The following PLCD4 variants were observed in gnomAD, a reference collection of about 807,000 sequenced individuals.
PLCD4 encodes the protein 1-phosphatidylinositol 4,5-bisphosphate phosphodiesterase delta-4.
In PLCD4, 63 loss-of-function variants were observed where a neutral mutation model predicts 90.2. The ratio of observed to expected loss-of-function variants is 0.70; its 90% CI spans 0.57 to 0.86. The LOEUF (loss-of-function observed/expected upper bound fraction) is 0.86, where lower values mean the gene tolerates loss of function less well. PLCD4 is among the 40% of genes least tolerant of loss of function. The pLI is 0.00. For missense variants in PLCD4, 830 were observed against 956.3 expected, an observed-to-expected ratio of 0.87 and a Z score of 1.74; for synonymous variants, 294 against 356.5, an observed-to-expected ratio of 0.82 and a Z score of 1.97.
Position 218,632,285 on chromosome 2 carries a change from G to T in PLCD4, c.1422G>T (p.Gln474His). 1 of 1,610,120 alleles carries T rather than the reference G, an allele frequency of 6.2e-7. No homozygotes were observed. The highest frequency in any genetic ancestry group is 8.5e-7 in the Non-Finnish European group (1 of 1,178,320). ...QFETEPEPQE[Q>H]NLQNKDKKKK... ...AGACTGAGCCTGAGCCCCAGGAGCA[G>T]AACCTTCAGAATAAGGACAAAAAGA... The change falls in exon 10 of 16, where the codon CAG becomes CAT. Residue 474 changes from glutamine (Q) to histidine (H), a missense_variant. By Grantham distance (24) the Gln-to-His change is conservative. Coordinates refer to ENST00000450993, the MANE Select transcript of PLCD4 (RefSeq NM_032726.4).
intron 3 of PLCD4, among the ~76,000 whole-genome samples, chr2:218,616,925 TATAGAGAG>T (rs1394301739): frequency 2.7e-4 from 6 of 22,242 alleles, no homozygotes; most frequent in East Asian, 1.4e-3. Flanking sequence ...TATATATATA[TATAGAGAG>T]AGAGAGAGAG....
intron 6 of PLCD4, among the ~76,000 whole-genome samples, chr2:218,627,759 G>A (rs766908883): frequency 6.6e-6 from 1 of 152,126 alleles, no homozygotes; most frequent in Non-Finnish European, 1.5e-5. Context: ...TGATCTGCCC[G>A]TCTCAGCCTC....
chr2:218,635,922 G>C lies in PLCD4; in HGVS notation c.2023G>C (p.Glu675Gln), dbSNP rs1318917046. 1 of 1,614,030 alleles carries C rather than the reference G, an allele frequency of 6.2e-7. No homozygotes were observed. Among genetic ancestry groups the C allele is most frequent in the Non-Finnish European group, 8.5e-7 (1 of 1,179,896 alleles). ...DTARQETNYV[E>Q]NNGFNPYWGQ... Reference sequence around the variant, plus strand: ...AGCACGGCAGGAGACCAACTATGTGGAGAACAATGGTGAGAAACTGGCAGT... The same window carrying C: ...AGCACGGCAGGAGACCAACTATGTGCAGAACAATGGTGAGAAACTGGCAGT... The change falls in exon 14 of 16, where the codon GAG becomes CAG. Residue 675 changes from glutamate to glutamine, a missense_variant. Glu to Gln is a conservative substitution (Grantham distance 29). Coordinates refer to ENST00000450993, the MANE Select transcript of PLCD4 (RefSeq NM_032726.4).
At chr2:218,621,885 C>T (rs1018259605) in intron 5 of PLCD4, among the ~76,000 whole-genome samples, 2 of 152,060 alleles carry the variant, frequency 1.3e-5, no homozygotes, top group Admixed American at 1.3e-4. Flanking sequence ...CGGGTCCATC[C>T]TGGTTAACAC....
At chr2:218,615,667 A>T in intron 1 of PLCD4, 40 bp from the exon 2 acceptor site, 1 of 1,499,342 alleles carries the variant, frequency 6.7e-7, no homozygotes, top group Non-Finnish European at 9.0e-7. Flanking sequence ...ACTATCTTCA[A>T]GATTCACCCA....
chr2:218,632,238 T>C lies in PLCD4; in HGVS notation c.1375T>C (p.Leu459=). 3 of 1,611,706 alleles carry C rather than the reference T, an allele frequency of 1.9e-6. No individual in the cohort carries two copies. Among genetic ancestry groups the C allele is most frequent in the Non-Finnish European group, 2.5e-6 (3 of 1,178,976 alleles). The change falls in exon 10 of 16, where the codon TTG becomes CTG. Residue 459 remains leucine, a synonymous_variant. Transcript: ENST00000450993. ...AGAACCTGAGTTGGAAGAGTCAGAA[T>C]TGGCGCTGGAGTCCCAGTTTGAGAC... is the stretch of plus-strand genomic sequence containing the variant. ...EAEPELEESE[L]ALESQFETEP...
At chr2:218,611,401 C>A (rs770195425) in intron 1 of PLCD4, among the ~76,000 whole-genome samples, 9 of 152,128 alleles carry the variant, frequency 5.9e-5, no homozygotes, top group Non-Finnish European at 8.8e-5. Context: ...TTCAGGACAT[C>A]ATTGTGAGGC....
intron 4 of PLCD4, among the ~76,000 whole-genome samples, chr2:218,620,998 C>A (rs746722896): frequency 6.6e-6 from 1 of 151,468 alleles, no homozygotes; most frequent in African/African-American, 2.4e-5. Context: ...GGTGCCATCT[C>A]GGCTCCATGC....
intron 6 of PLCD4, among the ~76,000 whole-genome samples, chr2:218,623,520 G>A (rs1695975926): frequency 6.6e-6 from 1 of 152,198 alleles, no homozygotes; most frequent in Non-Finnish European, 1.5e-5. Flanking sequence ...TCCCTTCGGA[G>A]TGTGAGAAAT....
At position 218,636,263 on chromosome 2, in the gene PLCD4, C is replaced by T; in HGVS notation, c.2053C>T (p.Gln685Ter). ...ENNGFNPYWG[Q>*]TLCFRVLVPE... is the part of the protein sequence containing the mutation. ...CTCAGGTTTTAATCCATACTGGGGG[C>T]AGACACTATGTTTCCGGGTGCTGGT... Residue 685 changes from glutamine (Q) to a stop codon, truncating the protein, a stop_gained, in exon 15 of 16, where the codon CAG (glutamine) becomes TAG (stop). Transcript: ENST00000450993. LOFTEE classifies it high-confidence loss of function. The T allele has an allele frequency of 6.2e-7, 1 of 1,614,016 alleles. No individual in the cohort carries two copies.
intron 6 of PLCD4, among the ~76,000 whole-genome samples, chr2:218,623,390 G>C (rs1695968476): frequency 6.6e-6 from 1 of 152,176 alleles, no homozygotes; most frequent in South Asian, 2.1e-4. Context: ...GTTAGCCCCT[G>C]GCTGGGGGAA....
At chr2:218,631,328 C>A (rs1198059411) in intron 9 of PLCD4, among the ~76,000 whole-genome samples, 1 of 152,090 alleles carries the variant, frequency 6.6e-6, no homozygotes, top group East Asian at 1.9e-4. Flanking sequence ...CCACACCTGG[C>A]TAGTTTTTGT....
Position 218,634,146 on chromosome 2 carries a change from G to A in PLCD4, c.1648G>A (p.Val550Met), listed in dbSNP as rs1472019247. ...VQHNTWQLSR[V>M]YPSGLRTDSS... is the part of the protein sequence containing the mutation. ...GCACAATACTTGGCAGTTAAGCCGTGTGTATCCCAGCGGCCTGAGGACAGA... is the reference window on the plus strand; with the variant it reads ...GCACAATACTTGGCAGTTAAGCCGTATGTATCCCAGCGGCCTGAGGACAGA... Residue 550 changes from valine to methionine, a missense_variant, in exon 12 of 16, where the codon GTG (valine) becomes ATG (methionine). By Grantham distance (21) the Val-to-Met change is conservative. Coordinates refer to ENST00000450993, the MANE Select transcript of PLCD4 (RefSeq NM_032726.4). The surrounding 1 kb of genome is among the most constrained non-coding windows in gnomAD (Gnocchi z 4.0). 3 of 1,612,746 alleles carry A rather than the reference G, an allele frequency of 1.9e-6. No individual in the cohort carries two copies. The highest frequency in any genetic ancestry group is 2.5e-6 in the Non-Finnish European group (3 of 1,179,406).
intron 1 of PLCD4, among the ~76,000 whole-genome samples, chr2:218,608,874 C>T (rs920171564): frequency 3.3e-5 from 5 of 152,082 alleles, no homozygotes; most frequent in Non-Finnish European, 7.4e-5. Context: ...CGCGGTGGCT[C>T]ACACCTGTAA....
At chr2:218,614,503 G>A (rs2106120702) in intron 1 of PLCD4, among the ~76,000 whole-genome samples, 1 of 151,666 alleles carries the variant, frequency 6.6e-6, no homozygotes, top group Non-Finnish European at 1.5e-5. Flanking sequence ...AGGCTGGAGT[G>A]CATGGCACAA....
Position 218,636,741 on chromosome 2 carries a change from G to A in PLCD4, c.*164G>A. On this transcript the variant is annotated 3_prime_UTR_variant, in exon 16 of 16. Coordinates refer to ENST00000450993, the MANE Select transcript of PLCD4 (RefSeq NM_032726.4). ...CTTCCTAACAAGCAATCTGGGACCT[G>A]ATTTTCCACCTTTTTTCTCTTTTCT... The A allele has an allele frequency of 1.3e-6, 1 of 747,906 alleles. No homozygotes were observed. Among genetic ancestry groups the A allele is most frequent in the South Asian group, 1.7e-5 (1 of 59,414 alleles). 46.3% of individuals were successfully genotyped at this position (747,906 alleles called of 1,614,324 possible).
At chr2:218,627,115 G>T (rs919390604) in intron 6 of PLCD4, among the ~76,000 whole-genome samples, 1 of 151,316 alleles carries the variant, frequency 6.6e-6, no homozygotes, top group East Asian at 1.9e-4. Flanking sequence ...AAAAAAAAGA[G>T]CCGGGTGTAG....
At chr2:218,631,455 C>T (rs560308596) in intron 9 of PLCD4, among the ~76,000 whole-genome samples, 25 of 152,210 alleles carry the variant, frequency 1.6e-4, no homozygotes, top group Non-Finnish European at 2.9e-4. Flanking sequence ...TGAGCTACTG[C>T]GCCTGGCCCT....
At position 218,635,828 on chromosome 2, in the gene PLCD4, C is replaced by T. The variant is rs752181231; in HGVS notation, c.1929C>T (p.Asp643=). 7.1e-5 allele frequency: 114 copies of T among 1,613,508 alleles called. No individual in the cohort carries two copies. Among genetic ancestry groups the T allele is most frequent in the Non-Finnish European group, 9.4e-5 (111 of 1,179,752 alleles). Residue 643 remains aspartate (D), a synonymous_variant, in exon 14 of 16, where the codon GAC becomes GAT. Coordinates refer to ENST00000450993, the MANE Select transcript of PLCD4 (RefSeq NM_032726.4). ...VISGQQLPKV[D]KTKEGSIVDP... ...GCGGTCAGCAACTCCCCAAAGTGGACAAGACCAAAGAGGGGTCCATTGTGG... is the reference window on the plus strand; with the variant it reads ...GCGGTCAGCAACTCCCCAAAGTGGATAAGACCAAAGAGGGGTCCATTGTGG...
Sources: gnomAD v4.1 joint callset for allele counts (sites outside exome capture counted in the v4.1 genomes callset) on GRCh38, gnomAD v4.1.1 for gene constraint, Gnocchi (gnomAD v3.1) non-coding constraint, MANE v1.5 for transcripts, NCBI Gene and HGNC (gene_info 2026-07-23, HGNC 2026-07-21) for gene names.